The following OSBPL11 variants were observed in gnomAD, a reference collection of about 807,000 sequenced individuals.
The protein encoded by OSBPL11 is oxysterol binding protein like 11, also known as oxysterol-binding protein-related protein 11.
OSBPL11 carries 33 observed loss-of-function variants against 84.4 expected under a neutral mutation model. That is an observed-to-expected ratio of 0.39 (90% CI 0.30 to 0.52). OSBPL11 has a LOEUF of 0.52. Ranked by LOEUF, OSBPL11 falls within the 20% of genes least tolerant of loss-of-function variation. The pLI, the probability that OSBPL11 is intolerant of heterozygous loss-of-function variation, is 0.72. For synonymous variants in OSBPL11, 276 were observed against 310.2 expected, an observed-to-expected ratio of 0.89 and a Z score of 1.16; for missense variants, 736 against 901.1, an observed-to-expected ratio of 0.82 and a Z score of 2.35.
intron 2 of OSBPL11, among the ~76,000 whole-genome samples, chr3:125,581,339 G>A (rs898581652): frequency 3.3e-5 from 5 of 151,512 alleles, no homozygotes; most frequent in Admixed American, 1.3e-4. Context: ...CGATCCTCCC[G>A]CCTCGGCCTC....
intron 4 of OSBPL11, among the ~76,000 whole-genome samples, chr3:125,578,162 C>T (rs957207682): frequency 6.6e-6 from 1 of 152,088 alleles, no homozygotes; most frequent in Non-Finnish European, 1.5e-5. Context: ...AGTAGTATAT[C>T]TATACAATAA....
chr3:125,554,978 A>G (rs1293792281), intron 8 of OSBPL11, among the ~76,000 whole-genome samples: 3 of 152,056 alleles, frequency 2.0e-5, no homozygotes, highest in Non-Finnish European at 4.4e-5. Flanking sequence ...GGATTGAAGG[A>G]TACAAAGTAC....
intron 4 of OSBPL11, among the ~76,000 whole-genome samples, 168 bp downstream of exon 4, chr3:125,578,788 TACAA>T (rs1287182263): frequency 7.2e-5 from 11 of 151,904 alleles, no homozygotes; most frequent in Non-Finnish European, 1.2e-4. Context: ...AAAAGAAAGT[TACAA>T]TGGTTGAACC....
intron 8 of OSBPL11, among the ~76,000 whole-genome samples, chr3:125,558,629 T>C (rs11926191): frequency 0.068 from 10,331 of 152,330 alleles, 472 homozygotes; most frequent in Non-Finnish European, 0.098. Context: ...TAAAATTGTT[T>C]CATCAGTAAT....
At chr3:125,577,942 CAT>C (rs964351245) in intron 4 of OSBPL11, among the ~76,000 whole-genome samples, 6 of 152,042 alleles carry the variant, frequency 3.9e-5, no homozygotes, top group African/African-American at 1.4e-4. Context: ...AAATGTTAAA[CAT>C]AGAACTATCA....
intron 5 of OSBPL11, among the ~76,000 whole-genome samples, chr3:125,573,665 C>T (rs746190223): frequency 1.9e-4 from 29 of 152,004 alleles, no homozygotes; most frequent in African/African-American, 6.8e-4. Context: ...GGGTTCAAAA[C>T]CATCCTGGCC....
chr3:125,585,639 G>C (rs1936496866), intron 1 of OSBPL11, among the ~76,000 whole-genome samples: 1 of 152,046 alleles, frequency 6.6e-6, no homozygotes, highest in Non-Finnish European at 1.5e-5. Flanking sequence ...TAAACTGCTG[G>C]CTTATTTTTA....
At chr3:125,576,929 C>T (rs1936334909) in intron 4 of OSBPL11, among the ~76,000 whole-genome samples, 1 of 152,204 alleles carries the variant, frequency 6.6e-6, no homozygotes, top group African/African-American at 2.4e-5. Context: ...GGTGATCTGC[C>T]CACCTCAGCT....
At position 125,593,111 on chromosome 3, in the gene OSBPL11, G is replaced by A. The variant is rs546447921; in HGVS notation, c.164+1526C>T. 5.9e-5 allele frequency among the ~76,000 whole-genome samples: 9 copies of A among 152,158 alleles called. No individual in the cohort carries two copies. The South Asian group carries it at 1.7e-3, about 28-fold the overall frequency. ...CTCACAACCAACTTAATAGACTCCCGGCTCTCTCCAGACCCAAATGTGAAT... is the reference window on the plus strand; with the variant it reads ...CTCACAACCAACTTAATAGACTCCCAGCTCTCTCCAGACCCAAATGTGAAT... On this transcript the variant is annotated intron_variant, in intron 1 of 12. Coordinates refer to ENST00000296220, the MANE Select transcript of OSBPL11 (RefSeq NM_022776.5).
In OSBPL11 at chr3:125,588,822, T is replaced by C. The variant is rs1019134856; in HGVS notation, c.164+5815A>G. Among the ~76,000 whole-genome samples the C allele has an allele frequency of 5.6e-4, 86 of 152,338 alleles. 1 individual carries two copies. Among genetic ancestry groups the C allele is most frequent in the Admixed American group, 6.5e-4 (10 of 15,306 alleles). On this transcript the variant is annotated intron_variant, in intron 1 of 12. Coordinates refer to ENST00000296220, the MANE Select transcript of OSBPL11 (RefSeq NM_022776.5). ...GGAAGAAAGAAACAGAATTTTTCTA[T>C]GAAGCCATGAGGCAATTCTCAGTAA...
intron 1 of OSBPL11, among the ~76,000 whole-genome samples, chr3:125,588,453 C>T (rs1254882400): frequency 1.3e-5 from 2 of 152,104 alleles, no homozygotes; most frequent in African/African-American, 4.8e-5. Context: ...GAGCCAATTC[C>T]TCATAATCTC....
intron 10 of OSBPL11, among the ~76,000 whole-genome samples, chr3:125,547,127 AT>A (rs1935831555): frequency 6.6e-6 from 1 of 152,196 alleles, no homozygotes; most frequent in South Asian, 2.1e-4. Context: ...TAAAGGCAGA[AT>A]TGGGCCAGAG....
At chr3:125,592,252 T>C (rs997018463) in intron 1 of OSBPL11, among the ~76,000 whole-genome samples, 32 of 152,072 alleles carry the variant, frequency 2.1e-4, no homozygotes, top group African/African-American at 7.5e-4. Context: ...TTGCCCAGGC[T>C]AGTCTCAAAC....
intron 6 of OSBPL11, among the ~76,000 whole-genome samples, chr3:125,566,980 T>C (rs1272292727): frequency 2.6e-5 from 4 of 152,170 alleles, no homozygotes; most frequent in Non-Finnish European, 2.9e-5. Context: ...AAGTGACTGA[T>C]AGACTTTTAT....
At chr3:125,562,970 A>C (rs1396965603) in intron 7 of OSBPL11, among the ~76,000 whole-genome samples, 1 of 151,192 alleles carries the variant, frequency 6.6e-6, no homozygotes, top group Non-Finnish European at 1.5e-5. Flanking sequence ...ATAAAGTGTT[A>C]TTTATAATTA....
chr3:125,557,600 A>C (rs1218564372), intron 8 of OSBPL11, among the ~76,000 whole-genome samples: 4 of 150,850 alleles, frequency 2.7e-5, no homozygotes, highest in Non-Finnish European at 4.4e-5. Flanking sequence ...CTGGTCTCCA[A>C]CTCCTGACTT....
chr3:125,533,043 T>A (rs1193448722), intron 11 of OSBPL11, among the ~76,000 whole-genome samples: 3 of 152,036 alleles, frequency 2.0e-5, no homozygotes, highest in African/African-American at 7.2e-5. Flanking sequence ...GGGGATTAAC[T>A]GTAAATGAAC....
Position 125,563,685 on chromosome 3 carries a change from T to C in OSBPL11, c.1014+13A>G, listed in dbSNP as rs1936110284. 2 of 1,609,838 alleles carry C rather than the reference T, an allele frequency of 1.2e-6. No homozygotes were observed. Among genetic ancestry groups the C allele is most frequent in the Non-Finnish European group, 1.7e-6 (2 of 1,179,142 alleles). On this transcript the variant is annotated intron_variant, in intron 7 of 12. Transcript: ENST00000296220. ...ATTTTTCACATCAAAATCATATTTT[T>C]ATATTACCTTACCCTCGCTAATAGT... is the stretch of plus-strand genomic sequence containing the variant.
intron 5 of OSBPL11, among the ~76,000 whole-genome samples, chr3:125,574,571 T>C (rs559462590): frequency 2.6e-4 from 40 of 151,028 alleles, no homozygotes; most frequent in African/African-American, 9.0e-4. Context: ...GGGAATGAGG[T>C]AGACATTTTC....
Sources: gnomAD v4.1 joint callset for allele counts (sites outside exome capture counted in the v4.1 genomes callset) on GRCh38, gnomAD v4.1.1 for gene constraint, MANE v1.5 for transcripts, NCBI Gene and HGNC (gene_info 2026-07-23, HGNC 2026-07-21) for gene names.